The following NCAPD3 variants were observed in gnomAD, a reference collection of about 807,000 sequenced individuals.
NCAPD3 encodes the protein condensin-2 complex subunit D3.
In NCAPD3, 105 loss-of-function variants were observed where a neutral mutation model predicts 182.9. That is an observed-to-expected ratio of 0.57 (90% CI 0.49 to 0.68). The LOEUF (loss-of-function observed/expected upper bound fraction) is 0.68. NCAPD3 is among the 30% of genes least tolerant of loss of function. The pLI is 0.00. For missense variants in NCAPD3, 1,944 were observed against 1,837.0 expected, an observed-to-expected ratio of 1.06 and a Z score of -1.07; for synonymous variants, 815 against 679.9, an observed-to-expected ratio of 1.20 and a Z score of -3.09.
At chr11:134,211,816 C>G (rs1049181106) in intron 3 of NCAPD3, among the ~76,000 whole-genome samples, 3 of 152,074 alleles carry the variant, frequency 2.0e-5, no homozygotes, top group Admixed American at 6.5e-5. Context: ...CTTGAAGATA[C>G]AGCAGGAGCG....
chr11:134,202,875 C>CTAACG lies in NCAPD3; in HGVS notation c.1555_1556insCGTTA (p.Arg519ProfsTer12), dbSNP rs1565550608. 2 of 1,605,708 alleles carry CTAACG rather than the reference C, an allele frequency of 1.2e-6. No homozygotes were observed. Among genetic ancestry groups the CTAACG allele is most frequent in the Non-Finnish European group, 1.7e-6 (2 of 1,178,070 alleles). ...GTTGATCTCCCCTGAGGGTTCGGAA[C>CTAACG]GGTTAGATGTCTGCCTTTGGTAGGA... On this transcript the variant is annotated frameshift_variant, in exon 13 of 35. Transcript: ENST00000534548. LOFTEE classifies it high-confidence loss of function.
chr11:134,156,059 A>C (rs1943411227), intron 32 of NCAPD3, among the ~76,000 whole-genome samples: 1 of 152,212 alleles, frequency 6.6e-6, no homozygotes, highest in Non-Finnish European at 1.5e-5. Context: ...CTGCTCTGTT[A>C]CCAGGAAGAG....
rs142623638 is a variant in NCAPD3, at chr11:134,204,937, G to A, written c.1051C>T (p.Pro351Ser). 5 of 1,613,464 alleles carry A rather than the reference G, an allele frequency of 3.1e-6. No individual in the cohort carries two copies. In the African/African-American group the frequency reaches 6.7e-5, roughly 22 times the overall value. The change falls in exon 9 of 35, where the codon CCA becomes TCA. Residue 351 changes from proline (P) to serine (S), a missense_variant. This residue lies in a region of NCAPD3 where 1,803 missense variants were observed against 1,674.6 expected (regional missense o/e 1.08). Transcript: ENST00000534548. This position sits in a 1 kb window ranked among gnomAD's most constrained non-coding sequence, Gnocchi z 4.3. ...TGCTGCAGTAAGATACGGACGACTG[G>A]GAATATACTCTCCTTTAATTCATCC... ...LVDELKESIF[P>S]VVRILLQHIC...
Position 134,167,327 on chromosome 11 carries a change from C to T in NCAPD3, c.3573+669G>A, listed in dbSNP as rs1279260014. ...CAGCACACTCACTTGTGAAATGAGCCTGGGGGAGGCGCACACTCGTGAGAT... is the reference window on the plus strand; with the variant it reads ...CAGCACACTCACTTGTGAAATGAGCTTGGGGGAGGCGCACACTCGTGAGAT... On this transcript the variant is annotated intron_variant, in intron 27 of 34. Transcript: ENST00000534548. 2.4e-3 allele frequency among the ~76,000 whole-genome samples: 60 copies of T among 25,032 alleles called. 3 individuals carry two copies. Among genetic ancestry groups the T allele is most frequent in the African/African-American group, 8.6e-3 (24 of 2,794 alleles). 16.4% of individuals were successfully genotyped at this position (25,032 alleles called of 152,430 possible).
Position 134,152,370 on chromosome 11 carries a change from T to C in NCAPD3, c.*574A>G, listed in dbSNP as rs1041992316. 2.0e-5 allele frequency: 3 copies of C among 152,244 alleles called. No individual in the cohort carries two copies. Among genetic ancestry groups the C allele is most frequent in the Non-Finnish European group, 4.4e-5 (3 of 68,048 alleles). 9.4% of individuals were successfully genotyped at this position (152,244 alleles called of 1,614,324 possible). On this transcript the variant is annotated 3_prime_UTR_variant, in exon 35 of 35. Coordinates refer to ENST00000534548, the MANE Select transcript of NCAPD3 (RefSeq NM_015261.3). ...CATTCCTCTAACAAACAAACATGCT[T>C]TATGTAAAATTAAAATGATTACCAA... is the stretch of plus-strand genomic sequence containing the variant.
chr11:134,202,536 C>T (rs1944770402), intron 13 of NCAPD3, among the ~76,000 whole-genome samples: 1 of 151,954 alleles, frequency 6.6e-6, no homozygotes, highest in Non-Finnish European at 1.5e-5. Flanking sequence ...CACCACCACG[C>T]CCAGCTGATT....
At chr11:134,158,251 G>A (rs1334128432) in intron 30 of NCAPD3, 78 bp downstream of exon 30, 11 of 1,571,984 alleles carry the variant, frequency 7.0e-6, no homozygotes, top group Admixed American at 1.7e-5. Flanking sequence ...TCCTGCCCAC[G>A]CTTGGGAATG....
intron 3 of NCAPD3, among the ~76,000 whole-genome samples, chr11:134,214,486 A>G (rs1378604255): frequency 6.6e-6 from 1 of 152,220 alleles, no homozygotes; most frequent in Non-Finnish European, 1.5e-5. Context: ...CAAAGATCTA[A>G]GCATCTACCT....
intron 13 of NCAPD3, among the ~76,000 whole-genome samples, chr11:134,199,311 T>G (rs1944700119): frequency 6.6e-6 from 1 of 152,164 alleles, no homozygotes; most frequent in Non-Finnish European, 1.5e-5. Context: ...GCTCTGTCTA[T>G]CCTTTCCCTT....
intron 28 of NCAPD3, among the ~76,000 whole-genome samples, chr11:134,160,834 G>A (rs1406579157): frequency 6.6e-6 from 1 of 152,092 alleles, no homozygotes; most frequent in East Asian, 1.9e-4. Flanking sequence ...ACTCCCTCAA[G>A]CTACTGACAA....
chr11:134,153,730 C>G, intron 32 of NCAPD3: 1 of 310,336 alleles, frequency 3.2e-6, no homozygotes. Context: ...GAGGACACTT[C>G]AACTCCTTGC....
intron 13 of NCAPD3, among the ~76,000 whole-genome samples, chr11:134,197,203 A>G (rs1944649794): frequency 6.6e-6 from 1 of 151,110 alleles, no homozygotes; most frequent in African/African-American, 2.4e-5. Flanking sequence ...CCAGTGCTAT[A>G]CTTTCTGTAC....
At chr11:134,179,410 G>A (rs770324578) in intron 20 of NCAPD3, among the ~76,000 whole-genome samples, 1 of 152,160 alleles carries the variant, frequency 6.6e-6, no homozygotes, top group Non-Finnish European at 1.5e-5. Context: ...ATTAGGCATC[G>A]TTTCATGTCA....
chr11:134,178,507 A>G, intron 22 of NCAPD3, 127 bp downstream of exon 22: 1 of 684,046 alleles, frequency 1.5e-6, no homozygotes, highest in Non-Finnish European at 2.4e-6. Context: ...ACCTCTAGGA[A>G]CCACATGGCT....
Position 134,158,361 on chromosome 11 carries a change from T to C in NCAPD3, c.4002A>G (p.Thr1334=). The change falls in exon 30 of 35, where the codon ACA becomes ACG. Residue 1334 remains threonine, a synonymous_variant. Transcript: ENST00000534548. ...HVAVSSPTPE[T]GPLQRLLPKA... Reference sequence around the variant, plus strand: ...TGGGCAGCAACCTCTGCAATGGCCCTGTTTCAGGTGTAGGAGATGATACTG... The same window carrying C: ...TGGGCAGCAACCTCTGCAATGGCCCCGTTTCAGGTGTAGGAGATGATACTG... 6.2e-7 allele frequency: 1 copy of C among 1,614,170 alleles called. No individual in the cohort carries two copies. The highest frequency in any genetic ancestry group is 1.3e-5 in the African/African-American group (1 of 75,030).
chr11:134,163,828 C>T (rs1244078210), intron 27 of NCAPD3, among the ~76,000 whole-genome samples: 5 of 142,732 alleles, frequency 3.5e-5, no homozygotes, highest in South Asian at 2.2e-4. Flanking sequence ...GCTGAGATCG[C>T]GCCACTGCAC....
At chr11:134,192,266 G>A (rs1146210) in intron 16 of NCAPD3, among the ~76,000 whole-genome samples, 150,071 of 152,348 alleles carry the variant, frequency 0.99, 73,921 homozygotes, top group East Asian at 1. Context: ...TGTTCAATAA[G>A]TGTTATCAAA....
chr11:134,156,284 T>A (rs890685501), intron 32 of NCAPD3, among the ~76,000 whole-genome samples: 3 of 152,100 alleles, frequency 2.0e-5, no homozygotes, highest in East Asian at 3.9e-4. Context: ...CGGGGCTGGA[T>A]GCAGCTTGCT....
intron 17 of NCAPD3, 68 bp downstream of exon 17, chr11:134,185,266 TC>T: frequency 7.2e-7 from 1 of 1,380,026 alleles, no homozygotes; most frequent in South Asian, 1.5e-5. Flanking sequence ...AAAGCTCACT[TC>T]CTTAAGTCTT....
Sources: gnomAD v4.1 joint callset for allele counts (sites outside exome capture counted in the v4.1 genomes callset) on GRCh38, gnomAD v4.1.1 for gene constraint, gnomAD v4.1.1 regional missense constraint, Gnocchi (gnomAD v3.1) non-coding constraint, MANE v1.5 for transcripts, NCBI Gene and HGNC (gene_info 2026-07-23, HGNC 2026-07-21) for gene names.